CHODL: variants seen among roughly 807,000 people sequenced by gnomAD.
CHODL encodes chondrolectin.
In CHODL, 29 loss-of-function variants were observed where a neutral mutation model predicts 34.5. The observed-to-expected ratio is 0.84, with a 90% confidence interval of 0.63 to 1.15. CHODL has a LOEUF of 1.15. Among genes scored for constraint, CHODL ranks in the 50% most tolerant of loss-of-function variants. The probability of loss-of-function intolerance (pLI) is 0.00; values close to 1 mark genes in which losing one functional copy is unlikely to be tolerated. For synonymous variants in CHODL, 125 were observed against 116.1 expected (o/e 1.08, Z -0.49); for missense variants, 332 against 332.5 (o/e 1.00, Z 0.01).
intron 2 of CHODL, among the ~76,000 whole-genome samples, chr21:18,087,442 G>T (rs1163377544): frequency 1.3e-5 from 2 of 152,232 alleles, no homozygotes; most frequent in South Asian, 4.1e-4. Context: ...AGATGGAAAG[G>T]CCCCTCAAGC....
chr21:18,052,489 A>G (rs2064528082), intron 2 of CHODL, among the ~76,000 whole-genome samples: 1 of 151,908 alleles, frequency 6.6e-6, no homozygotes, highest in South Asian at 2.1e-4. Flanking sequence ...AAACATTTTG[A>G]TAGTTCCTTT....
chr21:17,978,733 G>GA (rs34399713), intron 1 of CHODL, among the ~76,000 whole-genome samples: 3,203 of 139,602 alleles, frequency 0.023, 43 homozygotes, highest in Non-Finnish European at 0.026. Flanking sequence ...GAAAAAAAAA[G>GA]AAAAAAAAAA....
chr21:18,171,198 G>GTTCT (rs1333481522), intron 2 of CHODL, among the ~76,000 whole-genome samples: 2 of 37,080 alleles, frequency 5.4e-5, no homozygotes, highest in African/African-American at 1.4e-4. Flanking sequence ...GTTTTCTTTA[G>GTTCT]TTTTTTTTTT....
At chr21:17,966,327 T>A (rs2063571679) in intron 1 of CHODL, among the ~76,000 whole-genome samples, 1 of 152,194 alleles carries the variant, frequency 6.6e-6, no homozygotes, top group Admixed American at 6.5e-5. Flanking sequence ...AACGATCAGT[T>A]AAAACACAGT....
At chr21:18,232,984 A>T (rs1449822285) in intron 2 of CHODL, among the ~76,000 whole-genome samples, 1 of 108,156 alleles carries the variant, frequency 9.2e-6, no homozygotes, top group Non-Finnish European at 1.8e-5. Flanking sequence ...TATATATATG[A>T]CCTATCTATC....
At chr21:18,050,926 C>CTTTT (rs71189578) in intron 2 of CHODL, among the ~76,000 whole-genome samples, 1 of 146,756 alleles carries the variant, frequency 6.8e-6, no homozygotes, top group Non-Finnish European at 1.5e-5. Flanking sequence ...AAGTAACTTG[C>CTTTT]TTTTTTTTTT....
rs207477758 is a variant in CHODL, at chr21:18,260,251, G to T, written c.599G>T (p.Gly200Val). 1.9e-6 allele frequency: 3 copies of T among 1,584,358 alleles called. No individual in the cohort carries two copies. The highest frequency in any genetic ancestry group is 2.6e-6 in the Non-Finnish European group (3 of 1,168,330). ...VEKPYLTNQP[G>V]DTHQNVVVTE... ...AAGCCTTATCTTACAAATCAACCAG[G>T]AGACACCCATCAGAATGTGGTTGTT... Residue 200 changes from glycine (G) to valine (V), a missense_variant, in exon 4 of 6, where the codon GGA becomes GTA. Coordinates refer to ENST00000299295, the MANE Select transcript of CHODL (RefSeq NM_024944.3).
At chr21:18,208,925 G>C (rs2073743911) in intron 2 of CHODL, among the ~76,000 whole-genome samples, 1 of 136,266 alleles carries the variant, frequency 7.3e-6, no homozygotes, top group African/African-American at 2.7e-5. Flanking sequence ...GGTTACACTA[G>C]CAGCTCTGTG....
chr21:18,203,323 C>CT (rs1294068242), intron 2 of CHODL, among the ~76,000 whole-genome samples: 3 of 152,036 alleles, frequency 2.0e-5, no homozygotes, highest in African/African-American at 7.2e-5. Context: ...CTTTTAAAAT[C>CT]AAGTTTTGAA....
chr21:18,261,771 G>A (rs1429309255), intron 4 of CHODL, among the ~76,000 whole-genome samples: 3 of 152,048 alleles, frequency 2.0e-5, no homozygotes, highest in Non-Finnish European at 2.9e-5. Context: ...ACAGTGTCAC[G>A]GTTTTTTAAT....
chr21:18,052,272 C>T (rs1188300820), intron 2 of CHODL, among the ~76,000 whole-genome samples: 3 of 151,772 alleles, frequency 2.0e-5, no homozygotes, highest in African/African-American at 7.3e-5. Flanking sequence ...TTATAGGGTG[C>T]TATGAACAAA....
At chr21:18,096,913 G>A (rs2065146929) in intron 2 of CHODL, among the ~76,000 whole-genome samples, 1 of 152,034 alleles carries the variant, frequency 6.6e-6, no homozygotes, top group African/African-American at 2.4e-5. Context: ...ACCCTCGGAG[G>A]CCCAGCTATA....
chr21:17,931,262 A>T (rs181339925), intron 1 of CHODL, among the ~76,000 whole-genome samples: 6 of 152,194 alleles, frequency 3.9e-5, no homozygotes, highest in Non-Finnish European at 8.8e-5. Context: ...GCTTTTTCCC[A>T]TAAGCACCAC....
At chr21:18,033,986 A>G (rs531043175) in intron 2 of CHODL, among the ~76,000 whole-genome samples, 1 of 152,174 alleles carries the variant, frequency 6.6e-6, no homozygotes, top group African/African-American at 2.4e-5. Context: ...GCGTGATTTC[A>G]GAATCTGAAA....
intron 2 of CHODL, among the ~76,000 whole-genome samples, chr21:18,143,494 T>G (rs893745464): frequency 2.0e-5 from 3 of 152,094 alleles, no homozygotes; most frequent in African/African-American, 7.2e-5. Flanking sequence ...GTTTAAAAAG[T>G]TTTTGTATGA....
chr21:18,043,357 A>G (rs1385301359), intron 2 of CHODL, among the ~76,000 whole-genome samples: 1 of 152,000 alleles, frequency 6.6e-6, no homozygotes, highest in Non-Finnish European at 1.5e-5. Flanking sequence ...GGGACAAAGG[A>G]GCATGCCTGT....
chr21:18,078,596 TATTTC>T (rs997957839), intron 2 of CHODL, among the ~76,000 whole-genome samples: 3 of 152,222 alleles, frequency 2.0e-5, no homozygotes, highest in African/African-American at 7.2e-5. Context: ...ACTTAGAACT[TATTTC>T]ATTTCTGTTT....
intron 2 of CHODL, among the ~76,000 whole-genome samples, chr21:18,090,775 A>G (rs1205949820): frequency 1.3e-5 from 2 of 151,310 alleles, no homozygotes; most frequent in Non-Finnish European, 2.9e-5. Context: ...TATTAAAGCT[A>G]TAGGGGCACA....
intron 2 of CHODL, among the ~76,000 whole-genome samples, chr21:18,210,344 G>A (rs376917586): frequency 1.3e-5 from 2 of 152,180 alleles, no homozygotes; most frequent in Non-Finnish European, 2.9e-5. Flanking sequence ...CTCTCTGTGC[G>A]ACATGGCCAC....
Sources: allele counts gnomAD v4.1 joint callset (sites outside exome capture counted in the v4.1 genomes callset), GRCh38; gene constraint gnomAD v4.1.1; transcripts MANE v1.5; gene names NCBI Gene and HGNC (gene_info 2026-07-23, HGNC 2026-07-21).